Variants in CCDC117 observed in about 807,000 individuals in gnomAD.
CCDC117 encodes the protein coiled-coil domain containing 117.
In CCDC117, 1 loss-of-function variant was observed where a neutral mutation model predicts 23.5. The observed-to-expected ratio is 0.04, with a 90% CI of 0.02 to 0.20. The LOEUF is 0.20. Among genes scored for constraint, CCDC117 ranks in the 10% least tolerant of loss-of-function variants. The pLI is 1.00. For synonymous variants in CCDC117, 132 were observed against 124.8 expected, an observed-to-expected ratio of 1.06 and a Z score of -0.39; for missense variants, 383 against 348.2, an observed-to-expected ratio of 1.10 and a Z score of -0.80.
intron 2 of CCDC117, among the ~76,000 whole-genome samples, chr22:28,780,270 CT>C (rs2031280586): frequency 6.6e-6 from 1 of 152,176 alleles, no homozygotes; most frequent in African/African-American, 2.4e-5. Context: ...TGGTTGGACA[CT>C]GATAGAGCCT....
intron 3 of CCDC117, among the ~76,000 whole-genome samples, chr22:28,782,329 G>A (rs181429658): frequency 2.8e-4 from 40 of 144,254 alleles, no homozygotes; most frequent in African/African-American, 9.7e-4. Context: ...TGAACTCGGC[G>A]CTCACTGCAA....
In CCDC117 at chr22:28,786,368, C is replaced by T. The variant is rs753936751; in HGVS notation, c.*42C>T. 1 of 1,425,260 alleles carries T rather than the reference C, an allele frequency of 7.0e-7. No homozygotes were observed. The highest frequency in any genetic ancestry group is 1.4e-5 in the African/African-American group (1 of 70,642). 88.3% of individuals were successfully genotyped at this position (1,425,260 alleles called of 1,614,324 possible). On this transcript the variant is annotated 3_prime_UTR_variant, in exon 5 of 5. Transcript: ENST00000249064. ...TAAAGTTGTCAAATGTTAGAAGAAT[C>T]CTGTGTTCAGTTATGAGACTCTTTG...
chr22:28,784,021 G>A (rs1227874204), intron 4 of CCDC117, among the ~76,000 whole-genome samples: 1 of 151,898 alleles, frequency 6.6e-6, no homozygotes, highest in Admixed American at 6.6e-5. Flanking sequence ...TGCGGCCTAG[G>A]AAAAAAAATA....
intron 2 of CCDC117, among the ~76,000 whole-genome samples, chr22:28,775,835 T>G (rs2031146806): frequency 6.6e-6 from 1 of 152,090 alleles, no homozygotes; most frequent in Admixed American, 6.6e-5. Flanking sequence ...CGGCAGAGGT[T>G]GCAGTGAGCC....
In CCDC117 at chr22:28,781,356, T is replaced by TTTG. The variant is rs2031326408; in HGVS notation, c.464+186_464+187insGTT. The stretch of plus-strand genomic sequence containing the variant: ...TTTTGTTTTTTTTTTTTTTTTTTTT[T>TTTG]TTTTTTTTTTTTGAGACGGAGTCTC... On this transcript the variant is annotated intron_variant, in intron 3 of 4. Coordinates refer to ENST00000249064, the MANE Select transcript of CCDC117 (RefSeq NM_173510.4). Among the ~76,000 whole-genome samples the TTTG allele has an allele frequency of 3.7e-4, 6 of 16,428 alleles. 1 individual carries two copies. Among genetic ancestry groups the TTTG allele is most frequent in the African/African-American group, 1.0e-3 (2 of 1,942 alleles). The allele number at this position is 16,428 out of a possible 152,430, so 10.8% of individuals were successfully genotyped here. A position where few individuals can be genotyped will look rare whatever the true frequency, so the allele number is the denominator to read the frequency against.
At chr22:28,779,966 C>T (rs2031272558) in intron 2 of CCDC117, among the ~76,000 whole-genome samples, 1 of 152,186 alleles carries the variant, frequency 6.6e-6, no homozygotes, top group African/African-American at 2.4e-5. Flanking sequence ...TATCGTAGTG[C>T]TTGCAAATAC....
rs954101946 is a variant in CCDC117 at position 28,787,808 on chromosome 22, C to T, written c.*1482C>T. ...GGTATAATGCCCTTCCATCACACAA[C>T]AGGACACCACCCCAGTTTTGTTTTC... On this transcript the variant is annotated 3_prime_UTR_variant, in exon 5 of 5. Transcript: ENST00000249064. 4 of 152,328 alleles carry T rather than the reference C, an allele frequency of 2.6e-5. No homozygotes were observed. The highest frequency in any genetic ancestry group is 6.5e-5 in the Admixed American group (1 of 15,280). 9.4% of individuals were successfully genotyped at this position (152,328 alleles called of 1,614,324 possible). A position where few individuals can be genotyped will look rare whatever the true frequency, so the allele number is the denominator to read the frequency against.
In CCDC117 at chr22:28,786,559, A is replaced by G; in HGVS notation, c.*233A>G. ...GTTTTCTGTGGGGCTTATTAAAGGA[A>G]TGTTGGTTTACATTGTCTTCAAAGA... is the stretch of plus-strand genomic sequence containing the variant. On this transcript the variant is annotated 3_prime_UTR_variant, in exon 5 of 5. Coordinates refer to ENST00000249064, the MANE Select transcript of CCDC117 (RefSeq NM_173510.4). The G allele has an allele frequency of 2.1e-6, 1 of 480,980 alleles. No individual in the cohort carries two copies. The highest frequency in any genetic ancestry group is 2.7e-5 in the South Asian group (1 of 36,876). 29.8% of individuals were successfully genotyped at this position (480,980 alleles called of 1,614,324 possible).
chr22:28,773,124 G>A (rs1013238329), intron 1 of CCDC117, 90 bp downstream of exon 1: 13 of 571,486 alleles, frequency 2.3e-5, no homozygotes, highest in Non-Finnish European at 2.7e-5. Flanking sequence ...AGGGGCGCGG[G>A]CTCCGCGCCG....
chr22:28,782,632 T>C (rs1025078312), intron 3 of CCDC117, among the ~76,000 whole-genome samples: 1 of 151,958 alleles, frequency 6.6e-6, no homozygotes, highest in Non-Finnish European at 1.5e-5. Flanking sequence ...AAAGATGGGG[T>C]TTCACCACGT....
intron 2 of CCDC117, among the ~76,000 whole-genome samples, chr22:28,778,828 G>C (rs2031242780): frequency 6.6e-6 from 1 of 152,126 alleles, no homozygotes; most frequent in Admixed American, 6.6e-5. Context: ...TTATCTTTGG[G>C]ACTTAATTAT....
chr22:28,774,193 G>T (rs2031092589), intron 2 of CCDC117, among the ~76,000 whole-genome samples: 1 of 146,604 alleles, frequency 6.8e-6, no homozygotes. Context: ...TCAGCCTCCC[G>T]AGTAGCTGGG....
chr22:28,787,175 A>C lies in CCDC117; in HGVS notation c.*849A>C, dbSNP rs2031539230. ...GATAACTTTGGTAATTTTTTTAAAA[A>C]GTTATACTTGTATTAGCAAGTTTTT... On this transcript the variant is annotated 3_prime_UTR_variant, in exon 5 of 5. Coordinates refer to ENST00000249064, the MANE Select transcript of CCDC117 (RefSeq NM_173510.4). 1 of 152,350 alleles carries C rather than the reference A, an allele frequency of 6.6e-6. No homozygotes were observed. The highest frequency in any genetic ancestry group is 6.6e-5 in the Admixed American group (1 of 15,248). The allele number at this position is 152,350 out of a possible 1,614,324, so 9.4% of individuals were successfully genotyped here.
At chr22:28,784,085 A>G (rs1444078580) in intron 4 of CCDC117, among the ~76,000 whole-genome samples, 1 of 152,244 alleles carries the variant, frequency 6.6e-6, no homozygotes, top group Non-Finnish European at 1.5e-5. Flanking sequence ...CAAAGCTCAT[A>G]TTCTTGGCTC....
intron 2 of CCDC117, among the ~76,000 whole-genome samples, chr22:28,776,830 C>T (rs1007230660): frequency 6.6e-6 from 1 of 151,848 alleles, no homozygotes; most frequent in Non-Finnish European, 1.5e-5. Context: ...ATGATCCTCT[C>T]GCCTTGGCCT....
At chr22:28,774,299 C>T (rs975105260) in intron 2 of CCDC117, among the ~76,000 whole-genome samples, 6 of 149,984 alleles carry the variant, frequency 4.0e-5, no homozygotes, top group African/African-American at 1.5e-4. Flanking sequence ...GATCTTCTGA[C>T]TTCATGATCC....
At position 28,787,796 on chromosome 22, in the gene CCDC117, T is replaced by G. The variant is rs1392375079; in HGVS notation, c.*1470T>G. ...AACGAGTGTAATGGTATAATGCCCT[T>G]CCATCACACAACAGGACACCACCCC... is the stretch of plus-strand genomic sequence containing the variant. On this transcript the variant is annotated 3_prime_UTR_variant, in exon 5 of 5. Coordinates refer to ENST00000249064, the MANE Select transcript of CCDC117 (RefSeq NM_173510.4). 2.0e-5 allele frequency: 3 copies of G among 152,324 alleles called. No homozygotes were observed. The highest frequency in any genetic ancestry group is 4.4e-5 in the Non-Finnish European group (3 of 68,034). The allele number at this position is 152,324 out of a possible 1,614,324, so 9.4% of individuals were successfully genotyped here.
intron 3 of CCDC117, among the ~76,000 whole-genome samples, chr22:28,781,374 G>A (rs1368362009): frequency 6.8e-4 from 1 of 1,474 alleles, no homozygotes; most frequent in Non-Finnish European, 1.1e-3. Context: ...TTTTTGAGAC[G>A]GAGTCTCGCT....
intron 3 of CCDC117, 134 bp from the exon 4 acceptor site, chr22:28,783,374 T>G: frequency 1.3e-6 from 1 of 784,988 alleles, no homozygotes. Flanking sequence ...TATAGCCTCA[T>G]TTTTTGCTTG....
Sources: allele counts gnomAD v4.1 joint callset (sites outside exome capture counted in the v4.1 genomes callset), GRCh38; gene constraint gnomAD v4.1.1; transcripts MANE v1.5; gene names NCBI Gene and HGNC (gene_info 2026-07-23, HGNC 2026-07-21).